SLC35D4: variants seen among roughly 807,000 people sequenced by gnomAD.
SLC35D4 encodes solute carrier family 35 member D4, also known as UDP-N-acetylglucosamine transporter SLC35D4.
At chr18:23,376,734 A>C in the SLC35D4 span, 2 of 454,294 alleles carry the variant, frequency 4.4e-6, no homozygotes, top group African/African-American at 4.0e-5. Flanking sequence ...AGATCACCCC[A>C]AACAGACAAC....
the SLC35D4 span, among the ~76,000 whole-genome samples, chr18:23,323,464 T>C: frequency 2.6e-5 from 4 of 152,214 alleles, no homozygotes; most frequent in African/African-American, 9.6e-5. Flanking sequence ...TGAAGAGCAT[T>C]GGCTGGAAGA....
At chr18:23,421,781 A>G in the SLC35D4 span, among the ~76,000 whole-genome samples, 8 of 149,790 alleles carry the variant, frequency 5.3e-5, no homozygotes, top group South Asian at 1.7e-3. Context: ...GGTTCAAGCG[A>G]TTCTCCTGCC....
At chr18:23,336,368 T>C in the SLC35D4 span, among the ~76,000 whole-genome samples, 1 of 152,194 alleles carries the variant, frequency 6.6e-6, no homozygotes, top group Non-Finnish European at 1.5e-5. Flanking sequence ...CTGTTATTAT[T>C]GCCGAGCGAG....
the SLC35D4 span, among the ~76,000 whole-genome samples, chr18:23,261,920 C>T: frequency 6.6e-6 from 1 of 152,128 alleles, no homozygotes; most frequent in African/African-American, 2.4e-5. Context: ...TTCCATATGC[C>T]ATCTCTCACC....
At chr18:23,368,114 C>G in the SLC35D4 span, among the ~76,000 whole-genome samples, 1 of 152,162 alleles carries the variant, frequency 6.6e-6, no homozygotes, top group Non-Finnish European at 1.5e-5. Flanking sequence ...ACCTGAAAGT[C>G]TAGTTTAAAA....
At chr18:23,412,861 A>T in the SLC35D4 span, among the ~76,000 whole-genome samples, 1 of 152,234 alleles carries the variant, frequency 6.6e-6, no homozygotes, top group African/African-American at 2.4e-5. Flanking sequence ...AGAAGAGCCC[A>T]CAAGGCTAAC....
At chr18:23,272,141 T>G in the SLC35D4 span, among the ~76,000 whole-genome samples, 10 of 152,184 alleles carry the variant, frequency 6.6e-5, no homozygotes, top group African/African-American at 2.4e-4. Flanking sequence ...AGGGGCAGTC[T>G]TGTGGGACTG....
At chr18:23,378,158 A>G in the SLC35D4 span, among the ~76,000 whole-genome samples, 1 of 151,182 alleles carries the variant, frequency 6.6e-6, no homozygotes, top group African/African-American at 2.4e-5. Context: ...AGCTAGGACT[A>G]CAGGCATGAG....
chr18:23,333,649 C>T, the SLC35D4 span, among the ~76,000 whole-genome samples: 416 of 152,304 alleles, frequency 2.7e-3, 2 homozygotes, highest in Admixed American at 4.4e-3. Context: ...CAGAACACCC[C>T]TACTCCCACC....
At chr18:23,276,126 C>T in the SLC35D4 span, among the ~76,000 whole-genome samples, 1 of 151,794 alleles carries the variant, frequency 6.6e-6, no homozygotes, top group South Asian at 2.1e-4. Flanking sequence ...CTCACTCTGT[C>T]GCCCAGCCTG....
chr18:23,361,672 G>A, the SLC35D4 span, among the ~76,000 whole-genome samples: 90 of 152,204 alleles, frequency 5.9e-4, no homozygotes, highest in African/African-American at 2.1e-3. Context: ...ACAATGCCCT[G>A]GGTTGCCCAC....
chr18:23,385,004 A>T, the SLC35D4 span: 1 of 1,613,828 alleles, frequency 6.2e-7, no homozygotes, highest in South Asian at 1.1e-5. Flanking sequence ...TTCTGAAAAC[A>T]CTTCTGGTAC....
At chr18:23,322,122 G>A in the SLC35D4 span, among the ~76,000 whole-genome samples, 1 of 152,168 alleles carries the variant, frequency 6.6e-6, no homozygotes, top group Non-Finnish European at 1.5e-5. Flanking sequence ...TTTTACACTA[G>A]TCAGTGAGAC....
the SLC35D4 span, among the ~76,000 whole-genome samples, chr18:23,407,548 TTCTG>T: frequency 1.3e-5 from 2 of 150,616 alleles, no homozygotes; most frequent in African/African-American, 2.5e-5. Context: ...AAGCAGGTAA[TTCTG>T]TCTGTCTGTC....
the SLC35D4 span, among the ~76,000 whole-genome samples, chr18:23,411,529 G>GAA: frequency 5.9e-5 from 9 of 151,392 alleles, no homozygotes; most frequent in African/African-American, 1.9e-4. Context: ...AAGAAAGAAA[G>GAA]AAAGAAAGAA....
chr18:23,297,911 A>G, the SLC35D4 span: 1 of 1,434,364 alleles, frequency 7.0e-7, no homozygotes, highest in Admixed American at 1.7e-5. Flanking sequence ...TCTTTCTGAC[A>G]CATCCAACAG....
the SLC35D4 span, among the ~76,000 whole-genome samples, chr18:23,301,226 T>C: frequency 6.6e-6 from 1 of 152,204 alleles, no homozygotes; most frequent in Non-Finnish European, 1.5e-5. Flanking sequence ...CATAATCTAT[T>C]AAATTATGAT....
chr18:23,385,576 C>A, the SLC35D4 span, among the ~76,000 whole-genome samples: 8 of 152,052 alleles, frequency 5.3e-5, no homozygotes, highest in Non-Finnish European at 1.0e-4. Context: ...GAGGAGAGAG[C>A]GGATCCATCT....
chr18:23,321,018 A>G, the SLC35D4 span, among the ~76,000 whole-genome samples: 2 of 152,120 alleles, frequency 1.3e-5, no homozygotes, highest in East Asian at 3.9e-4. Context: ...CTTCCAGTCC[A>G]TCAAACCAGG....
Sources: gnomAD v4.1 joint callset for allele counts (sites outside exome capture counted in the v4.1 genomes callset) on GRCh38, gnomAD v4.1.1 for gene constraint, MANE v1.5 for transcripts, NCBI Gene and HGNC (gene_info 2026-07-23, HGNC 2026-07-21) for gene names.